Variants in SHANK2 observed in about 807,000 individuals in gnomAD.
SHANK2 encodes SH3 and multiple ankyrin repeat domains protein 2.
Under a neutral mutation model 133.7 loss-of-function variants are expected in SHANK2, and 43 were observed. That is an observed-to-expected ratio of 0.32 (90% CI 0.25 to 0.41). SHANK2 has a LOEUF of 0.41. SHANK2 is among the 10% of genes least tolerant of loss of function. The pLI is 1.00. For synonymous variants in SHANK2, 1,017 were observed against 952.8 expected (o/e 1.07, Z -1.24); for missense variants, 1,994 against 2,235.8 (o/e 0.89, Z 2.18).
intron 17 of SHANK2, among the ~76,000 whole-genome samples, chr11:70,600,418 C>CAAAAAAAAAAAAAAAAAAAGAAAAAAAA (rs2060477982): frequency 1.0e-5 from 1 of 95,462 alleles, no homozygotes; most frequent in Non-Finnish European, 2.1e-5. Flanking sequence ...GACTCTGTCT[C>CAAAAAAAAAAAAAAAAAAAGAAAAAAAA]AAAAAAAAAA....
rs782188402 is a variant in SHANK2 at position 70,500,527 on chromosome 11, G to T, written c.2308+43C>A. 28 of 1,590,390 alleles carry T rather than the reference G, an allele frequency of 1.8e-5. No individual in the cohort carries two copies. The highest frequency in any genetic ancestry group is 7.1e-5 in the Admixed American group (4 of 56,504). On this transcript the variant is annotated intron_variant, in intron 21 of 25. Coordinates refer to ENST00000601538, the MANE Select transcript of SHANK2 (RefSeq NM_012309.5). The surrounding 1 kb of genome is among the most constrained non-coding windows in gnomAD (Gnocchi z 4.5). ...AAAGGATGTTTCTGTTCCACAGGGGGGTGATGGGCAGGGGGCTGAGACAGA... is the reference window on the plus strand; with the variant it reads ...AAAGGATGTTTCTGTTCCACAGGGGTGTGATGGGCAGGGGGCTGAGACAGA...
chr11:71,251,796 C>A (rs1396556709), intron 1 of SHANK2, among the ~76,000 whole-genome samples: 2 of 151,172 alleles, frequency 1.3e-5, no homozygotes, highest in African/African-American at 4.8e-5. Flanking sequence ...CCAGGCGCGC[C>A]GGCCCCGGCC....
rs58878246 is a variant in SHANK2 at position 70,716,673 on chromosome 11, T to G, written c.1778-17910A>C. On this transcript the variant is annotated intron_variant, in intron 14 of 25. Transcript: ENST00000601538. ...CCAGGGCCAGATGCTCAGGGCTCAT[T>G]CCCTGCCACTCACCAACACGGGGCA... Among the ~76,000 whole-genome samples, 1,111 of 152,112 alleles carry G rather than the reference T, an allele frequency of 7.3e-3. 14 individuals are homozygous for G. The highest frequency in any genetic ancestry group is 0.025 in the African/African-American group (1,042 of 41,482).
chr11:71,186,422 G>C (rs1953673589), intron 2 of SHANK2, among the ~76,000 whole-genome samples: 2 of 152,198 alleles, frequency 1.3e-5, no homozygotes, highest in Non-Finnish European at 2.9e-5. Flanking sequence ...TCATCCAGGA[G>C]TCCATGTTGG....
intron 17 of SHANK2, among the ~76,000 whole-genome samples, chr11:70,558,036 G>A (rs1420276209): frequency 6.6e-6 from 1 of 152,252 alleles, no homozygotes; most frequent in Non-Finnish European, 1.5e-5. Context: ...AAATGCCAGG[G>A]GAGAAGGGAG....
At chr11:70,477,486 A>G (rs1193685924) in intron 25 of SHANK2, 1 of 152,200 alleles carries the variant, frequency 6.6e-6, no homozygotes, top group African/African-American at 2.4e-5. Flanking sequence ...ATAACCAGGA[A>G]AAAAGAAAGA....
At chr11:70,701,261 G>A (rs782142417) in intron 14 of SHANK2, among the ~76,000 whole-genome samples, 8 of 152,162 alleles carry the variant, frequency 5.3e-5, no homozygotes, top group African/African-American at 1.9e-4. Context: ...TCCCAGACTG[G>A]AGTTTCATGG....
intron 2 of SHANK2, among the ~76,000 whole-genome samples, chr11:71,179,420 T>C (rs1953509926): frequency 6.6e-6 from 1 of 152,188 alleles, no homozygotes; most frequent in Non-Finnish European, 1.5e-5. Context: ...AGATTCAGGA[T>C]AAAATCCCTC....
chr11:70,873,916 T>G (rs1343940904), intron 11 of SHANK2, among the ~76,000 whole-genome samples: 2 of 152,112 alleles, frequency 1.3e-5, no homozygotes, highest in African/African-American at 4.8e-5. Context: ...CTCCCGGGCG[T>G]CAGTGACAGG....
chr11:71,081,436 G>A (rs1338172485), intron 8 of SHANK2, among the ~76,000 whole-genome samples: 1 of 152,186 alleles, frequency 6.6e-6, no homozygotes, highest in African/African-American at 2.4e-5. Context: ...ACATAAAGCT[G>A]CGGCCCTTGC....
In SHANK2 at chr11:71,204,295, C is replaced by A. The variant is rs192955455; in HGVS notation, c.-13+20402G>T. Among the ~76,000 whole-genome samples, 201 of 152,348 alleles carry A rather than the reference C, an allele frequency of 1.3e-3. 1 individual carries two copies. The highest frequency in any genetic ancestry group is 3.5e-3 in the Admixed American group (54 of 15,308). On this transcript the variant is annotated intron_variant, in intron 2 of 25. Coordinates refer to ENST00000601538, the MANE Select transcript of SHANK2 (RefSeq NM_012309.5). ...AAGGGGCGTGCTCACATGGTAACTG[C>A]GGCACCAGGCCCCCGGCTCAGGGCA...
At chr11:70,902,936 T>C (rs1395848721) in intron 10 of SHANK2, among the ~76,000 whole-genome samples, 1 of 152,184 alleles carries the variant, frequency 6.6e-6, no homozygotes, top group Non-Finnish European at 1.5e-5. Context: ...GCAGTCACTC[T>C]GCAAGGCAGT....
chr11:70,524,839 A>G (rs894445973), intron 17 of SHANK2, among the ~76,000 whole-genome samples: 1 of 152,244 alleles, frequency 6.6e-6, no homozygotes, highest in Non-Finnish European at 1.5e-5. Context: ...CAAGGGGGGA[A>G]CATTCCGCTG....
At chr11:71,167,480 T>C (rs1470285720) in intron 2 of SHANK2, among the ~76,000 whole-genome samples, 3 of 128,720 alleles carry the variant, frequency 2.3e-5, no homozygotes, top group Admixed American at 7.6e-5. Context: ...CACTTCCCAG[T>C]AGGGGCGGCC....
intron 14 of SHANK2, among the ~76,000 whole-genome samples, chr11:70,787,530 CCAG>C (rs1947696002): frequency 2.0e-5 from 2 of 99,934 alleles, no homozygotes; most frequent in African/African-American, 5.4e-5. Flanking sequence ...ACCACCACCA[CCAG>C]CATCAACACC....
In SHANK2 at chr11:70,641,368, C is replaced by T. The variant is rs141911016; in HGVS notation, c.2061+18460G>A. On this transcript the variant is annotated intron_variant, in intron 17 of 25. Coordinates refer to ENST00000601538, the MANE Select transcript of SHANK2 (RefSeq NM_012309.5). ...TTGGCCTCCCAAAGTGCTGGGATTA[C>T]AGGCATAAGCCACTGCGCCTGGACT... Among the ~76,000 whole-genome samples the T allele has an allele frequency of 7.8e-3, 1,190 of 152,292 alleles. 14 individuals carry two copies. Among genetic ancestry groups the T allele is most frequent in the African/African-American group, 0.027 (1,111 of 41,568 alleles).
chr11:70,853,972 C>G (rs1949130319), intron 11 of SHANK2, among the ~76,000 whole-genome samples: 1 of 152,118 alleles, frequency 6.6e-6, no homozygotes, highest in Non-Finnish European at 1.5e-5. Flanking sequence ...GTTAACCAAA[C>G]CAATTAAACC....
intron 14 of SHANK2, among the ~76,000 whole-genome samples, chr11:70,718,543 G>A (rs1235663193): frequency 6.6e-6 from 1 of 152,200 alleles, no homozygotes; most frequent in African/African-American, 2.4e-5. Flanking sequence ...CCCTGCATCA[G>A]GGTCAGGGCA....
Position 71,107,322 on chromosome 11 carries a change from G to A in SHANK2, c.592+2619C>T, listed in dbSNP as rs141241529. On this transcript the variant is annotated intron_variant, in intron 6 of 25. Coordinates refer to ENST00000601538, the MANE Select transcript of SHANK2 (RefSeq NM_012309.5). Reference sequence around the variant, plus strand: ...GGGCCCTGTCCCAGACCCTGGCCCCGTGGGTCTCTGCCTTTGCTGGAGACC... The same window carrying A: ...GGGCCCTGTCCCAGACCCTGGCCCCATGGGTCTCTGCCTTTGCTGGAGACC... Among the ~76,000 whole-genome samples, 1,111 of 152,236 alleles carry A rather than the reference G, an allele frequency of 7.3e-3. 6 individuals are homozygous for A. The highest frequency in any genetic ancestry group is 0.041 in the Middle Eastern group (12 of 294).
Sources: allele counts gnomAD v4.1 joint callset (sites outside exome capture counted in the v4.1 genomes callset), GRCh38; gene constraint gnomAD v4.1.1; non-coding constraint Gnocchi (gnomAD v3.1); transcripts MANE v1.5; gene names NCBI Gene and HGNC (gene_info 2026-07-23, HGNC 2026-07-21).